Variants in ABL2 observed in about 807,000 individuals in gnomAD.
ABL2 encodes ABL proto-oncogene 2, non-receptor tyrosine kinase.
In ABL2, 49 loss-of-function variants were observed where a neutral mutation model predicts 107.7. The ratio of observed to expected loss-of-function variants is 0.45; its 90% CI spans 0.36 to 0.58. ABL2 has a LOEUF of 0.58. Ranked by LOEUF, ABL2 falls within the 20% of genes least tolerant of loss-of-function variation. ABL2 has a pLI of 0.00. For synonymous variants in ABL2, 549 were observed against 548.6 expected, an observed-to-expected ratio of 1.00 and a Z score of -0.01; for missense variants, 1,245 against 1,457.0, an observed-to-expected ratio of 0.85 and a Z score of 2.37.
intron 1 of ABL2, among the ~76,000 whole-genome samples, chr1:179,167,928 G>C (rs754589668): frequency 6.6e-6 from 1 of 152,092 alleles, no homozygotes; most frequent in Non-Finnish European, 1.5e-5. Flanking sequence ...GCAATGAGCC[G>C]AGATCGTGCC....
chr1:179,118,567 C>A lies in ABL2; in HGVS notation c.1223+20G>T. ...CAAGCAAGATGGCTTCATGGTTGGT[C>A]AGAGGTAAGTTTTACACACCTATGG... is the stretch of plus-strand genomic sequence containing the variant. On this transcript the variant is annotated intron_variant, in intron 7 of 11. Transcript: ENST00000502732. 6.3e-7 allele frequency: 1 copy of A among 1,598,550 alleles called. No homozygotes were observed.
chr1:179,128,993 T>G (rs541549029), intron 3 of ABL2, among the ~76,000 whole-genome samples: 169 of 151,908 alleles, frequency 1.1e-3, no homozygotes, highest in Non-Finnish European at 1.8e-3. Context: ...CTGGTAGAAC[T>G]TTAAAAAAAA....
rs1654890368 is a variant in ABL2, at chr1:179,118,707, T to C, written c.1103A>G (p.Asn368Ser). The change falls in exon 7 of 12, where the codon AAT (asparagine) becomes AGT (serine). Residue 368 changes from asparagine to serine, a missense_variant. This residue lies in a region of ABL2 where 320 missense variants were observed against 547.0 expected (regional missense o/e 0.59). Transcript: ENST00000502732. ...GCATTCTCGGAGGTAATCCAGCAAATTCCCGTATGGCATGTATTCAGTCAC... is the reference window on the plus strand; with the variant it reads ...GCATTCTCGGAGGTAATCCAGCAAACTCCCGTATGGCATGTATTCAGTCAC... ...YIVTEYMPYGNLLDYLRECNR... is the reference protein window; with the variant it reads ...YIVTEYMPYGSLLDYLRECNR... The C allele has an allele frequency of 6.2e-7, 1 of 1,614,014 alleles. No homozygotes were observed. The highest frequency in any genetic ancestry group is 8.5e-7 in the Non-Finnish European group (1 of 1,180,042).
intron 1 of ABL2, 37 bp downstream of exon 1, chr1:179,229,204 C>CCCCCCCCCCCCCCCCA: frequency 6.9e-7 from 1 of 1,448,286 alleles, no homozygotes; most frequent in Non-Finnish European, 9.2e-7. Context: ...CCCCCGGCCT[C>CCCCCCCCCCCCCCCCA]CCCCACGCTC....
At chr1:179,118,056 G>C (rs1654826871) in intron 7 of ABL2, among the ~76,000 whole-genome samples, 1 of 152,154 alleles carries the variant, frequency 6.6e-6, no homozygotes, top group Non-Finnish European at 1.5e-5. Flanking sequence ...AGGAGGCTGA[G>C]GTGGGAGGAT....
intron 9 of ABL2, among the ~76,000 whole-genome samples, chr1:179,113,835 G>A (rs1654340929): frequency 6.6e-6 from 1 of 152,216 alleles, no homozygotes; most frequent in African/African-American, 2.4e-5. Context: ...TCAGGAGGCT[G>A]AGGCAGGAGA....
intron 1 of ABL2, among the ~76,000 whole-genome samples, chr1:179,209,866 A>G (rs754404839): frequency 6.6e-6 from 1 of 152,138 alleles, no homozygotes; most frequent in Non-Finnish European, 1.5e-5. Flanking sequence ...ATTTCAAGTA[A>G]TAAGAAACAT....
intron 1 of ABL2, among the ~76,000 whole-genome samples, chr1:179,175,609 C>T (rs556114080): frequency 1.2e-4 from 18 of 152,288 alleles, no homozygotes; most frequent in Non-Finnish European, 2.6e-4. Context: ...GAACCACTGT[C>T]CTTAAATGGA....
Position 179,120,257 on chromosome 1 carries a change from T to C in ABL2, c.978A>G (p.Val326=), listed in dbSNP as rs1572634614. The stretch of plus-strand genomic sequence containing the variant: ...CTGCAGCTTCTTTCAGGAATTCTTC[T>C]ACCTCCATGGTATCTTCCTAGAAAA... ...VKTLKEDTME[V]EEFLKEAAVM... Residue 326 remains valine, a synonymous_variant, in exon 6 of 12, where the codon GTA becomes GTG. Coordinates refer to ENST00000502732, the MANE Select transcript of ABL2 (RefSeq NM_007314.4). The C allele has an allele frequency of 6.2e-7, 1 of 1,607,592 alleles. No individual in the cohort carries two copies. Among genetic ancestry groups the C allele is most frequent in the Non-Finnish European group, 8.5e-7 (1 of 1,176,472 alleles).
chr1:179,178,590 TTAAAAAG>T (rs888393506), intron 1 of ABL2, among the ~76,000 whole-genome samples: 1 of 151,784 alleles, frequency 6.6e-6, no homozygotes, highest in African/African-American at 2.4e-5. Context: ...GATCTGGACT[TTAAAAAG>T]TAAGAACATC....
chr1:179,134,730 CTCTCCA>C (rs985489796), intron 1 of ABL2, among the ~76,000 whole-genome samples: 3 of 126,972 alleles, frequency 2.4e-5, no homozygotes, highest in South Asian at 2.5e-4. Flanking sequence ...CTCCCTCTCC[CTCTCCA>C]CGGTCGCCCT....
chr1:179,136,512 C>CAT (rs928774952), intron 1 of ABL2, among the ~76,000 whole-genome samples: 1 of 150,456 alleles, frequency 6.6e-6, no homozygotes, highest in Non-Finnish European at 1.5e-5. Context: ...TTGAAGGCAG[C>CAT]ATGCTCCTTA....
chr1:179,201,915 G>C (rs1244622812), intron 1 of ABL2: 4 of 1,282,962 alleles, frequency 3.1e-6, no homozygotes, highest in South Asian at 2.1e-5. Context: ...CAATGTTGCC[G>C]ACCTCATCTG....
intron 1 of ABL2, among the ~76,000 whole-genome samples, chr1:179,155,551 G>A (rs1266089062): frequency 6.6e-6 from 1 of 151,952 alleles, no homozygotes; most frequent in African/African-American, 2.4e-5. Flanking sequence ...CCAACATGGT[G>A]AAACCCGTCT....
chr1:179,115,571 C>T (rs928053739), intron 8 of ABL2, among the ~76,000 whole-genome samples: 1 of 152,190 alleles, frequency 6.6e-6, no homozygotes, highest in East Asian at 1.9e-4. Flanking sequence ...CATATCCACA[C>T]CGTAGATGCT....
chr1:179,104,199 CTTA>C lies in ABL2; in HGVS notation c.*3516_*3518del. The C allele has an allele frequency of 4.3e-6, 1 of 230,986 alleles. No homozygotes were observed. Among genetic ancestry groups the C allele is most frequent in the South Asian group, 1.8e-4 (1 of 5,510 alleles). The allele number at this position is 230,986 out of a possible 1,614,324, so 14.3% of individuals were successfully genotyped here. ...CTTACAAATATCATCTCATTTAATC[CTTA>C]CAACAACCCTGAGGTAGTTACTATT... On this transcript the variant is annotated 3_prime_UTR_variant, in exon 12 of 12. Coordinates refer to ENST00000502732, the MANE Select transcript of ABL2 (RefSeq NM_007314.4).
At chr1:179,182,244 A>G (rs1399525868) in intron 1 of ABL2, among the ~76,000 whole-genome samples, 1 of 152,000 alleles carries the variant, frequency 6.6e-6, no homozygotes, top group Non-Finnish European at 1.5e-5. Flanking sequence ...AGCTGGGTAA[A>G]TTCAACTATT....
Position 179,229,517 on chromosome 1 carries a change from G to GGGCCAGGGCC in ABL2, c.-121_-120insGGCCCTGGCC. 1 of 1,154,906 alleles carries GGGCCAGGGCC rather than the reference G, an allele frequency of 8.7e-7. No individual in the cohort carries two copies. The highest frequency in any genetic ancestry group is 1.1e-6 in the Non-Finnish European group (1 of 883,530). 71.5% of individuals were successfully genotyped at this position (1,154,906 alleles called of 1,614,324 possible). A position where few individuals can be genotyped will look rare whatever the true frequency, so the allele number is the denominator to read the frequency against. On this transcript the variant is annotated 5_prime_UTR_variant, in exon 1 of 12. Transcript: ENST00000502732. ...CTCCCAGCCCAGGCCCTGGCCCTGA[G>GGGCCAGGGCC]TGGCTGGGCCACCGGCGGCTCCGCA...
rs1386686589 is a variant in ABL2, at chr1:179,108,495, TGGGAGGACGG to T, written c.2762_2771del (p.Pro921GlnfsTer16). 2 of 1,614,168 alleles carry T rather than the reference TGGGAGGACGG, an allele frequency of 1.2e-6. No homozygotes were observed. Among genetic ancestry groups the T allele is most frequent in the Admixed American group, 3.3e-5 (2 of 60,020 alleles). The stretch of plus-strand genomic sequence containing the variant: ...CTGGCACTTTGTGGTTGTGAGTGGT[TGGGAGGACGG>T]GGGCAGCCTTGGCTGGAGAAGGCCA... On this transcript the variant is annotated frameshift_variant, in exon 12 of 12. Coordinates refer to ENST00000502732, the MANE Select transcript of ABL2 (RefSeq NM_007314.4). LOFTEE classifies it high-confidence loss of function.
Sources: allele counts gnomAD v4.1 joint callset (sites outside exome capture counted in the v4.1 genomes callset), GRCh38; gene constraint gnomAD v4.1.1; regional missense constraint gnomAD v4.1.1; transcripts MANE v1.5; gene names NCBI Gene and HGNC (gene_info 2026-07-23, HGNC 2026-07-21).